The following PCDHA1 variants were observed in gnomAD, a reference collection of about 807,000 sequenced individuals.
PCDHA1 encodes the protein protocadherin alpha 1, also known as protocadherin alpha-1.
A neutral mutation model predicts 61.3 loss-of-function variants in PCDHA1; 42 were observed. The ratio of observed to expected loss-of-function variants is 0.69; its 90% confidence interval spans 0.54 to 0.89. The LOEUF (loss-of-function observed/expected upper bound fraction) is 0.89. PCDHA1 is among the 40% of genes least tolerant of loss of function. The pLI, the probability that PCDHA1 is intolerant of heterozygous loss-of-function variation, is 0.00. For synonymous variants in PCDHA1, 610 were observed against 553.8 expected (o/e 1.10, Z -1.43); for missense variants, 1,256 against 1,235.3 (o/e 1.02, Z -0.25).
At chr5:140,835,990 G>A in intron 1 of PCDHA1, 3 of 1,613,318 alleles carry the variant, frequency 1.9e-6, no homozygotes, top group Non-Finnish European at 2.5e-6. Context: ...TTCCAGGTGA[G>A]CGCGCGCGAT....
At chr5:140,830,434 T>C (rs1771061273) in intron 1 of PCDHA1, 2 of 1,613,288 alleles carry the variant, frequency 1.2e-6, no homozygotes, top group Non-Finnish European at 1.7e-6. Flanking sequence ...CTTGTCCTAT[T>C]ATGATGGGTA....
chr5:140,844,251 A>G (rs1554140582), intron 1 of PCDHA1, among the ~76,000 whole-genome samples: 1 of 149,748 alleles, frequency 6.7e-6, no homozygotes, highest in East Asian at 1.9e-4. Flanking sequence ...CGTTTTAAGC[A>G]GTGTAGTGAT....
intron 1 of PCDHA1, among the ~76,000 whole-genome samples, chr5:140,976,553 A>G (rs1554237789): frequency 1.3e-5 from 2 of 152,074 alleles, no homozygotes; most frequent in Non-Finnish European, 2.9e-5. Context: ...CCTATCTCAT[A>G]AATAAATAAA....
At chr5:141,006,644 T>C (rs1411431797) in intron 3 of PCDHA1, among the ~76,000 whole-genome samples, 3 of 152,084 alleles carry the variant, frequency 2.0e-5, no homozygotes, top group African/African-American at 7.2e-5. Context: ...ATATAAGAGA[T>C]GATGGTGTCC....
chr5:140,999,594 A>G (rs1279617761), intron 3 of PCDHA1, among the ~76,000 whole-genome samples: 25 of 152,186 alleles, frequency 1.6e-4, no homozygotes, highest in Admixed American at 1.4e-3. Flanking sequence ...TGCCTTCCCT[A>G]CATCCTGGGG....
intron 1 of PCDHA1, chr5:140,809,316 T>G: frequency 6.2e-7 from 1 of 1,614,074 alleles, no homozygotes. Flanking sequence ...GTGTCCAGCC[T>G]TTTGGTGCTC....
intron 1 of PCDHA1, chr5:140,801,317 G>C: frequency 6.2e-7 from 1 of 1,613,364 alleles, no homozygotes; most frequent in Admixed American, 1.7e-5. Flanking sequence ...AGGAGGCCAA[G>C]CATGGCACCT....
chr5:140,979,604 A>T (rs1326370777), intron 2 of PCDHA1, among the ~76,000 whole-genome samples: 1 of 152,204 alleles, frequency 6.6e-6, no homozygotes, highest in African/African-American at 2.4e-5. Context: ...AAATTAACCT[A>T]GAGTAACGGT....
intron 1 of PCDHA1, chr5:140,807,517 AG>A (rs1763954942): frequency 4.3e-6 from 7 of 1,613,132 alleles, no homozygotes; most frequent in East Asian, 4.5e-5. Flanking sequence ...AGGTGATCGT[AG>A]ACAGGCCGCT....
intron 1 of PCDHA1, chr5:140,843,774 A>G: frequency 6.9e-7 from 1 of 1,457,980 alleles, no homozygotes; most frequent in Non-Finnish European, 9.4e-7. Flanking sequence ...TAGTTACTTT[A>G]AAAGTGTTTC....
Position 140,843,535 on chromosome 5 carries a change from T to G in PCDHA1, c.2394+54851T>G, listed in dbSNP as rs1554140200. On this transcript the variant is annotated intron_variant, in intron 1 of 3. Coordinates refer to ENST00000504120, the MANE Select transcript of PCDHA1 (RefSeq NM_018900.4). ...GCGGGTGCCGGGCGGGCAAGCCCAC[T>G]CTGGTGTGCTCCAGTGCGGTGGGGA... is the stretch of plus-strand genomic sequence containing the variant. The G allele has an allele frequency of 1.9e-6, 3 of 1,595,872 alleles. 1 individual carries two copies. Among genetic ancestry groups the G allele is most frequent in the Non-Finnish European group, 2.6e-6 (3 of 1,165,468 alleles).
At chr5:140,798,988 C>T (rs979035980) in intron 1 of PCDHA1, among the ~76,000 whole-genome samples, 1 of 152,160 alleles carries the variant, frequency 6.6e-6, no homozygotes, top group Non-Finnish European at 1.5e-5. Context: ...ATATCCATTT[C>T]CAAGTAATAC....
At chr5:140,937,370 TTATG>T (rs2091504322) in intron 1 of PCDHA1, among the ~76,000 whole-genome samples, 1 of 152,120 alleles carries the variant, frequency 6.6e-6, no homozygotes, top group South Asian at 2.1e-4. Flanking sequence ...ATCTTAATGT[TTATG>T]TGTGTGTATG....
At chr5:141,006,108 T>G (rs1268824828) in intron 3 of PCDHA1, among the ~76,000 whole-genome samples, 3 of 151,864 alleles carry the variant, frequency 2.0e-5, no homozygotes, top group Non-Finnish European at 4.4e-5. Flanking sequence ...GTAAGGAGTT[T>G]TTTTTTTTTT....
At chr5:140,844,920 G>A (rs1554140772) in intron 1 of PCDHA1, among the ~76,000 whole-genome samples, 1 of 149,212 alleles carries the variant, frequency 6.7e-6, no homozygotes, top group Non-Finnish European at 1.5e-5. Context: ...AGAAATTGAT[G>A]GAAGGGAATG....
At chr5:140,938,705 A>G (rs1554212312) in intron 1 of PCDHA1, among the ~76,000 whole-genome samples, 1 of 152,150 alleles carries the variant, frequency 6.6e-6, no homozygotes, top group African/African-American at 2.4e-5. Context: ...ATATATGTTT[A>G]TGATAGAAAC....
At chr5:140,983,379 C>T (rs1169260784) in intron 3 of PCDHA1, among the ~76,000 whole-genome samples, 1 of 152,162 alleles carries the variant, frequency 6.6e-6, no homozygotes, top group Non-Finnish European at 1.5e-5. Context: ...AGGCCCATCG[C>T]TGTGGCAGTT....
Position 140,876,990 on chromosome 5 carries a change from C to T in PCDHA1, c.2394+88306C>T, listed in dbSNP as rs374520504. The T allele has an allele frequency of 2.2e-5, 35 of 1,612,500 alleles. No individual in the cohort carries two copies. In the South Asian group the frequency reaches 2.9e-4, roughly 13 times the overall value. On this transcript the variant is annotated intron_variant, in intron 1 of 3. Coordinates refer to ENST00000504120, the MANE Select transcript of PCDHA1 (RefSeq NM_018900.4). ...GGGTGGGCGAGCACGCACTGTCGAG[C>T]TACGTGTCGGTGCACGCGGAGAGCG... is the stretch of plus-strand genomic sequence containing the variant.
intron 3 of PCDHA1, among the ~76,000 whole-genome samples, chr5:140,992,876 A>G (rs1370116402): frequency 6.6e-6 from 1 of 152,178 alleles, no homozygotes; most frequent in Admixed American, 6.5e-5. Flanking sequence ...CCTCCTTGAT[A>G]TTCTAAACAA....
Sources: allele counts gnomAD v4.1 joint callset (sites outside exome capture counted in the v4.1 genomes callset), GRCh38; gene constraint gnomAD v4.1.1; transcripts MANE v1.5; gene names NCBI Gene and HGNC (gene_info 2026-07-23, HGNC 2026-07-21).